The following DHRS4 variants were observed in gnomAD, a reference collection of about 807,000 sequenced individuals.
The protein encoded by DHRS4 is dehydrogenase/reductase 4.
In DHRS4, 20 loss-of-function variants were observed where a neutral mutation model predicts 28.4. The ratio of observed to expected loss-of-function variants is 0.71; its 90% CI spans 0.50 to 1.02. The LOEUF (loss-of-function observed/expected upper bound fraction) is 1.02, where lower values mean the gene tolerates loss of function less well. Ranked by LOEUF, DHRS4 falls within the 50% of genes least tolerant of loss-of-function variation. DHRS4 has a pLI of 0.00. For missense variants in DHRS4, 378 were observed against 367.2 expected, an observed-to-expected ratio of 1.03 and a Z score of -0.24; for synonymous variants, 144 against 146.4, an observed-to-expected ratio of 0.98 and a Z score of 0.12.
chr14:23,966,174 G>A, intron 5 of DHRS4, 109 bp from the exon 6 acceptor site: 2 of 1,574,808 alleles, frequency 1.3e-6, no homozygotes, highest in Non-Finnish European at 1.7e-6. Context: ...CCCTAACTCT[G>A]CCCCTCCCTT....
chr14:23,960,636 C>T (rs1224909551), intron 3 of DHRS4, among the ~76,000 whole-genome samples: 1 of 129,886 alleles, frequency 7.7e-6, no homozygotes, highest in East Asian at 2.3e-4. Context: ...ATTTCACACA[C>T]ACTCTTTAAT....
chr14:23,968,467 T>C (rs2033716166), intron 7 of DHRS4, among the ~76,000 whole-genome samples: 1 of 150,756 alleles, frequency 6.6e-6, no homozygotes, highest in African/African-American at 2.5e-5. Context: ...TGCTCACCAT[T>C]TTATCTATAT....
At chr14:23,961,540 T>C (rs1026745450) in intron 3 of DHRS4, among the ~76,000 whole-genome samples, 1 of 129,362 alleles carries the variant, frequency 7.7e-6, no homozygotes, top group Admixed American at 7.6e-5. Flanking sequence ...TTTTTTTTTT[T>C]TTTTCCCTCG....
chr14:23,959,293 G>T (rs531564241), intron 2 of DHRS4, among the ~76,000 whole-genome samples: 48 of 152,290 alleles, frequency 3.2e-4, no homozygotes, highest in Admixed American at 1.1e-3. Context: ...CAACTTCCTG[G>T]TGGGTCGCGC....
chr14:23,965,056 G>A (rs1182574000), intron 3 of DHRS4, among the ~76,000 whole-genome samples: 1 of 151,898 alleles, frequency 6.6e-6, no homozygotes, highest in African/African-American at 2.4e-5. Context: ...GTGAATCTAA[G>A]TGAAGGATAT....
intron 3 of DHRS4, among the ~76,000 whole-genome samples, chr14:23,964,205 C>T (rs72488277): frequency 8.0e-5 from 7 of 87,126 alleles, no homozygotes; most frequent in African/African-American, 2.4e-4. Context: ...AGGGTTGCCA[C>T]GAAACTGCAA....
At chr14:23,966,573 C>A (rs1162408115) in intron 6 of DHRS4, among the ~76,000 whole-genome samples, 156 bp downstream of exon 6, 1 of 151,812 alleles carries the variant, frequency 6.6e-6, no homozygotes, top group Non-Finnish European at 1.5e-5. Flanking sequence ...CTGCCCTATA[C>A]AAGCCACACT....
At chr14:23,955,690 A>G (rs1207919666) in intron 2 of DHRS4, among the ~76,000 whole-genome samples, 5 of 152,116 alleles carry the variant, frequency 3.3e-5, no homozygotes, top group African/African-American at 7.2e-5. Flanking sequence ...CTATTCTCTC[A>G]GTCTGCAGAC....
intron 2 of DHRS4, among the ~76,000 whole-genome samples, chr14:23,959,505 C>A (rs750959853): frequency 2.0e-5 from 3 of 152,076 alleles, no homozygotes; most frequent in Non-Finnish European, 4.4e-5. Context: ...CTGCAGTGAG[C>A]TGAGAACATG....
At chr14:23,956,103 A>AT (rs2033131337) in intron 2 of DHRS4, among the ~76,000 whole-genome samples, 1 of 152,238 alleles carries the variant, frequency 6.6e-6, no homozygotes. Context: ...GGGTAATTCC[A>AT]TTTTTAAGGA....
At chr14:23,968,563 T>C (rs1206896083) in intron 7 of DHRS4, among the ~76,000 whole-genome samples, 194 bp from the exon 8 acceptor site, 1 of 151,388 alleles carries the variant, frequency 6.6e-6, no homozygotes, top group Non-Finnish European at 1.5e-5. Context: ...TTTTGCAGAG[T>C]ACAGTATGCT....
intron 3 of DHRS4, among the ~76,000 whole-genome samples, chr14:23,960,211 T>A (rs957250233): frequency 3.9e-5 from 6 of 151,996 alleles, no homozygotes; most frequent in Non-Finnish European, 7.4e-5. Flanking sequence ...CTACTCCTAG[T>A]TCTCTCTGCT....
chr14:23,955,839 G>C (rs1053482429), intron 2 of DHRS4, among the ~76,000 whole-genome samples: 2 of 152,190 alleles, frequency 1.3e-5, no homozygotes, highest in Admixed American at 6.5e-5. Context: ...AAGTATATAA[G>C]TCGATGTCAG....
In DHRS4 at chr14:23,958,827, A is replaced by T. The variant is rs553460896; in HGVS notation, c.307-1075A>T. Among the ~76,000 whole-genome samples the T allele has an allele frequency of 1.2e-4, 19 of 152,320 alleles. 2 individuals carry two copies. Among genetic ancestry groups the T allele is most frequent in the African/African-American group, 4.1e-4 (17 of 41,572 alleles). On this transcript the variant is annotated intron_variant, in intron 2 of 7. Coordinates refer to ENST00000313250, the MANE Select transcript of DHRS4 (RefSeq NM_021004.4). Reference sequence around the variant, plus strand: ...CTAACTAGCTTTGTGCCCTGAAAACATCACTTCACCCCTCCCAAACACAGA... The same window carrying T: ...CTAACTAGCTTTGTGCCCTGAAAACTTCACTTCACCCCTCCCAAACACAGA...
chr14:23,965,936 G>A lies in DHRS4; in HGVS notation c.484G>A (p.Gly162Ser), dbSNP rs1423288255. 11 of 1,608,406 alleles carry A rather than the reference G, an allele frequency of 6.8e-6. No homozygotes were observed. Among genetic ancestry groups the A allele is most frequent in the Middle Eastern group, 1.7e-4 (1 of 6,040 alleles). The part of the protein sequence containing the change: ...VVPEMEKRGG[G>S]SVVIVSSIAA... ...TCAGCTCTCTTCTTTTTCCAGAGGC[G>A]GCTCAGTGGTGATCGTGTCTTCCAT... The change falls in exon 5 of 8, where the codon GGC becomes AGC. Residue 162 changes from glycine to serine, a missense_variant. Transcript: ENST00000313250.
At chr14:23,963,636 C>T in intron 3 of DHRS4, among the ~76,000 whole-genome samples, 1 of 147,648 alleles carries the variant, frequency 6.8e-6, no homozygotes. Context: ...ACTTTCTCTC[C>T]ATATTAACAA....
At chr14:23,966,119 C>T in intron 5 of DHRS4, 136 bp downstream of exon 5, 1 of 1,590,284 alleles carries the variant, frequency 6.3e-7, no homozygotes, top group South Asian at 1.1e-5. Flanking sequence ...AGATGCCTTG[C>T]CTCCACAAAC....
chr14:23,959,886 T>A lies in DHRS4; in HGVS notation c.307-16T>A. 1 of 1,612,288 alleles carries A rather than the reference T, an allele frequency of 6.2e-7. No homozygotes were observed. Among genetic ancestry groups the A allele is most frequent in the East Asian group, 2.2e-5 (1 of 44,836 alleles). On this transcript the variant is annotated splice_polypyrimidine_tract_variant and intron_variant, in intron 2 of 7. Transcript: ENST00000313250. ...ACTTACTGCAGCCCTGGTCCAGAAC[T>A]TACCCCTCTCTCTAGGCTGTGAAGC... is the stretch of plus-strand genomic sequence containing the variant.
intron 7 of DHRS4, chr14:23,967,882 C>A (rs2033686518): frequency 1.3e-5 from 1 of 75,658 alleles, no homozygotes; most frequent in African/African-American, 1.5e-4. Flanking sequence ...GAGACATGAG[C>A]TGCAGGCCTG....
Sources: allele counts gnomAD v4.1 joint callset (sites outside exome capture counted in the v4.1 genomes callset), GRCh38; gene constraint gnomAD v4.1.1; transcripts MANE v1.5; gene names NCBI Gene and HGNC (gene_info 2026-07-23, HGNC 2026-07-21).